YLPM1: variants seen among roughly 807,000 people sequenced by gnomAD.
The protein encoded by YLPM1 is YLP motif containing 1.
Under a neutral mutation model 230.0 loss-of-function variants are expected in YLPM1, and 99 were observed. The ratio of observed to expected loss-of-function variants is 0.43; its 90% CI spans 0.37 to 0.51. The LOEUF (loss-of-function observed/expected upper bound fraction) is 0.51. Among genes scored for constraint, YLPM1 ranks in the 20% least tolerant of loss-of-function variants. YLPM1 has a pLI of 0.00. For synonymous variants in YLPM1, 984 were observed against 942.5 expected, an observed-to-expected ratio of 1.04 and a Z score of -0.81; for missense variants, 2,592 against 2,707.7, an observed-to-expected ratio of 0.96 and a Z score of 0.95.
intron 4 of YLPM1, among the ~76,000 whole-genome samples, chr14:74,784,928 A>C (rs1476763307): frequency 6.6e-6 from 1 of 152,202 alleles, no homozygotes; most frequent in Non-Finnish European, 1.5e-5. Flanking sequence ...TCTCCTTCAG[A>C]ATGAACACTT....
At chr14:74,811,147 G>A (rs565368185) in intron 9 of YLPM1, among the ~76,000 whole-genome samples, 1 of 152,104 alleles carries the variant, frequency 6.6e-6, no homozygotes, top group Admixed American at 6.5e-5. Flanking sequence ...CTTCTTAGAT[G>A]TATGTATATA....
Position 74,812,994 on chromosome 14 carries a change from T to G in YLPM1, c.5502+212T>G, listed in dbSNP as rs530463136. Among the ~76,000 whole-genome samples, 6 of 152,292 alleles carry G rather than the reference T, an allele frequency of 3.9e-5. No individual in the cohort carries two copies. The South Asian group carries it at 1.2e-3, about 32-fold the overall frequency. The stretch of plus-strand genomic sequence containing the variant: ...GCACTAAAGTACTTGGCAAAAAAGA[T>G]GTTGAATTTTAAAACATATTAATGA... On this transcript the variant is annotated intron_variant, in intron 11 of 20. Coordinates refer to ENST00000325680, the MANE Select transcript of YLPM1 (RefSeq NM_019589.3).
chr14:74,796,044 C>T (rs2091257357), intron 4 of YLPM1, among the ~76,000 whole-genome samples: 1 of 152,234 alleles, frequency 6.6e-6, no homozygotes, highest in Non-Finnish European at 1.5e-5. Context: ...TTGGCCAGAA[C>T]TTGGCTGCCA....
chr14:74,817,691 A>G (rs1367347866), intron 15 of YLPM1, among the ~76,000 whole-genome samples: 2 of 151,540 alleles, frequency 1.3e-5, no homozygotes, highest in Non-Finnish European at 2.9e-5. Flanking sequence ...TTTTTTTTTC[A>G]TAATAACTTT....
Position 74,763,892 on chromosome 14 carries a change from C to A in YLPM1, c.403C>A (p.Pro135Thr). The A allele has an allele frequency of 6.4e-7, 1 of 1,556,538 alleles. No individual in the cohort carries two copies. Residue 135 changes from proline (P) to threonine (T), a missense_variant, in exon 1 of 21, where the codon CCT becomes ACT. Physicochemically the swap from Pro to Thr is conservative, Grantham distance 38. This residue lies in a region of YLPM1 where 1,862 missense variants were observed against 1,819.8 expected (regional missense o/e 1.02). Transcript: ENST00000325680. ...GATGCTCCACCACCAACGAGACGGGCCTCCTGGTTTGGTTCCAATGGAGCT... is the reference window on the plus strand; with the variant it reads ...GATGCTCCACCACCAACGAGACGGGACTCCTGGTTTGGTTCCAATGGAGCT... ...HQMLHHQRDG[P>T]PGLVPMELES...
rs181016381 is a variant in YLPM1 at position 74,797,286 on chromosome 14, A to G, written c.2283-294A>G. On this transcript the variant is annotated intron_variant, in intron 4 of 20. Coordinates refer to ENST00000325680, the MANE Select transcript of YLPM1 (RefSeq NM_019589.3). ...GATTACAAGTGTGAGCCACTGCGCC[A>G]GGCCTGTAATTGCTTTTTAACCGTT... Among the ~76,000 whole-genome samples, 8 of 151,296 alleles carry G rather than the reference A, an allele frequency of 5.3e-5. No individual in the cohort carries two copies. In the East Asian group the frequency reaches 1.6e-3, roughly 29 times the overall value.
At chr14:74,809,186 G>C (rs1420669783) in intron 6 of YLPM1, among the ~76,000 whole-genome samples, 194 bp from the exon 7 acceptor site, 2 of 151,322 alleles carry the variant, frequency 1.3e-5, no homozygotes, top group African/African-American at 4.9e-5. Flanking sequence ...TCAAATATAA[G>C]ATTTGCCTAT....
intron 6 of YLPM1, among the ~76,000 whole-genome samples, chr14:74,804,447 T>G (rs2091357406): frequency 6.6e-6 from 1 of 152,206 alleles, no homozygotes; most frequent in South Asian, 2.1e-4. Context: ...ATGCTTCATT[T>G]TCCCTCCACA....
At chr14:74,824,425 C>T in intron 18 of YLPM1, 118 bp downstream of exon 18, 1 of 969,052 alleles carries the variant, frequency 1.0e-6, no homozygotes, top group Non-Finnish European at 1.6e-6. Flanking sequence ...GATTTCTGGC[C>T]TACCTTATAT....
chr14:74,829,121 T>A (rs528419759), intron 18 of YLPM1, 92 bp from the exon 19 acceptor site: 1 of 1,515,768 alleles, frequency 6.6e-7, no homozygotes, highest in South Asian at 1.2e-5. Flanking sequence ...ATATGCCCTC[T>A]GAAAGCGTTC....
intron 19 of YLPM1, 22 bp from the exon 20 acceptor site, chr14:74,835,243 C>A (rs2091635038): frequency 1.9e-6 from 3 of 1,612,644 alleles, no homozygotes; most frequent in Non-Finnish European, 2.5e-6. Context: ...TAAAGCTCAG[C>A]CTAATGCTAT....
At chr14:74,835,174 T>A in intron 19 of YLPM1, 91 bp from the exon 20 acceptor site, 1 of 1,467,612 alleles carries the variant, frequency 6.8e-7, no homozygotes, top group South Asian at 1.4e-5. Context: ...TTCAAATGAG[T>A]CATTCTACCC....
chr14:74,806,548 G>A (rs201400538), intron 6 of YLPM1, among the ~76,000 whole-genome samples: 4 of 152,060 alleles, frequency 2.6e-5, no homozygotes, highest in East Asian at 1.9e-4. Context: ...GCGCCACTGC[G>A]CTCCAGCCTG....
chr14:74,824,592 T>G (rs564727969), intron 18 of YLPM1, among the ~76,000 whole-genome samples: 1 of 152,136 alleles, frequency 6.6e-6, no homozygotes, highest in Admixed American at 6.5e-5. Flanking sequence ...TTCTTTTATA[T>G]TAATCAGAAA....
intron 1 of YLPM1, among the ~76,000 whole-genome samples, chr14:74,778,219 A>G (rs1267878054): frequency 6.6e-6 from 1 of 152,192 alleles, no homozygotes; most frequent in Non-Finnish European, 1.5e-5. Context: ...AGCATGTTGA[A>G]TTAATATGTA....
intron 15 of YLPM1, among the ~76,000 whole-genome samples, chr14:74,817,995 G>A (rs1249800535): frequency 1.3e-5 from 2 of 151,710 alleles, no homozygotes; most frequent in African/African-American, 4.8e-5. Flanking sequence ...TGTCAAGGCT[G>A]CAGTGAGCCA....
At chr14:74,768,102 A>G (rs1368898266) in intron 1 of YLPM1, among the ~76,000 whole-genome samples, 1 of 152,074 alleles carries the variant, frequency 6.6e-6, no homozygotes, top group Non-Finnish European at 1.5e-5. Context: ...CACAGTTACT[A>G]TATGGAGTTA....
At chr14:74,800,778 T>C (rs910293617) in intron 5 of YLPM1, among the ~76,000 whole-genome samples, 4 of 152,206 alleles carry the variant, frequency 2.6e-5, no homozygotes, top group African/African-American at 9.7e-5. Context: ...CTATAGAATA[T>C]TTAGCTACTA....
At chr14:74,782,475 T>A in intron 4 of YLPM1, 150 bp downstream of exon 4, 2 of 975,270 alleles carry the variant, frequency 2.1e-6, no homozygotes, top group Non-Finnish European at 2.8e-6. Context: ...ATCACGTATG[T>A]AATCTAGAAA....
Sources: allele counts gnomAD v4.1 joint callset (sites outside exome capture counted in the v4.1 genomes callset), GRCh38; gene constraint gnomAD v4.1.1; regional missense constraint gnomAD v4.1.1; transcripts MANE v1.5; gene names NCBI Gene and HGNC (gene_info 2026-07-23, HGNC 2026-07-21).